PEX14: variants seen among roughly 807,000 people sequenced by gnomAD.
PEX14 encodes peroxisomal membrane protein PEX14.
A neutral mutation model predicts 49.5 loss-of-function variants in PEX14; 15 were observed. The ratio of observed to expected loss-of-function variants is 0.30; its 90% CI spans 0.20 to 0.47. The LOEUF (loss-of-function observed/expected upper bound fraction) is 0.47. Ranked by LOEUF, PEX14 falls within the 20% of genes least tolerant of loss-of-function variation. PEX14 has a pLI of 1.00. For synonymous variants in PEX14, 210 were observed against 212.7 expected (o/e 0.99, Z 0.11); for missense variants, 398 against 494.8 (o/e 0.80, Z 1.86).
Position 10,487,481 on chromosome 1 carries a change from C to CTTTTTTTTTTT in PEX14, c.37-7781_37-7771dup, listed in dbSNP as rs33968565. Among the ~76,000 whole-genome samples the CTTTTTTTTTTT allele has an allele frequency of 4.1e-4, 36 of 86,756 alleles. 1 individual carries two copies. Among genetic ancestry groups the CTTTTTTTTTTT allele is most frequent in the African/African-American group, 8.7e-4 (20 of 22,874 alleles). 56.9% of individuals were successfully genotyped at this position (86,756 alleles called of 152,430 possible). ...ATACTTTATTACTTTTTCTTTCTTT[C>CTTTTTTTTTTT]TTTTTTTTTTTTTTTTTTTTTTGAG... On this transcript the variant is annotated intron_variant, in intron 1 of 8. Coordinates refer to ENST00000356607, the MANE Select transcript of PEX14 (RefSeq NM_004565.3).
At chr1:10,587,522 A>T (rs923982307) in intron 3 of PEX14, among the ~76,000 whole-genome samples, 2 of 152,162 alleles carry the variant, frequency 1.3e-5, no homozygotes, top group Non-Finnish European at 1.5e-5. Flanking sequence ...TAATAGCATC[A>T]TGTAGGCAAG....
intron 2 of PEX14, among the ~76,000 whole-genome samples, chr1:10,521,188 C>T (rs544189850): frequency 1.3e-5 from 2 of 150,938 alleles, no homozygotes; most frequent in South Asian, 2.1e-4. Flanking sequence ...CTTTTCTTTT[C>T]TTTTTCTCTC....
In PEX14 at chr1:10,629,782, G is replaced by A. The variant is rs751713671; in HGVS notation, c.929G>A (p.Arg310Gln). 2 of 1,580,448 alleles carry A rather than the reference G, an allele frequency of 1.3e-6. No individual in the cohort carries two copies. Among genetic ancestry groups the A allele is most frequent in the Non-Finnish European group, 8.6e-7 (1 of 1,159,390 alleles). ...GTGGTGGACGTCAAGGGCCAGGTGC[G>A]GATGGAGGTGCAAGGCGAGGAGGAG... The part of the protein sequence containing the change: ...EGVVDVKGQV[R>Q]MEVQGEEEKR... The change falls in exon 9 of 9, where the codon CGG becomes CAG. Residue 310 changes from arginine (R) to glutamine (Q), a missense_variant. Coordinates refer to ENST00000356607, the MANE Select transcript of PEX14 (RefSeq NM_004565.3). The surrounding 1 kb of genome is among the most constrained non-coding windows in gnomAD (Gnocchi z 8.5).
At chr1:10,523,628 TA>T (rs34613906) in intron 2 of PEX14, among the ~76,000 whole-genome samples, 71,576 of 145,572 alleles carry the variant, frequency 0.49, 17,017 homozygotes, top group East Asian at 0.59. Context: ...TTGTGTAAGG[TA>T]AAAAAAAAAA....
intron 4 of PEX14, among the ~76,000 whole-genome samples, chr1:10,601,803 T>A (rs561998926): frequency 5.4e-4 from 83 of 152,314 alleles, no homozygotes; most frequent in Admixed American, 1.5e-3. Flanking sequence ...AAAGGCTGAG[T>A]CTCCACACTT....
At chr1:10,627,169 C>T in intron 7 of PEX14, 103 bp from the exon 8 acceptor site, 1 of 804,650 alleles carries the variant, frequency 1.2e-6, no homozygotes, top group Non-Finnish European at 2.2e-6. Context: ...AGAACAGACC[C>T]AGAAGGCCCC....
chr1:10,496,740 G>A (rs1641572775), intron 2 of PEX14, among the ~76,000 whole-genome samples: 1 of 151,678 alleles, frequency 6.6e-6, no homozygotes, highest in Non-Finnish European at 1.5e-5. Flanking sequence ...TCTTCCTGCT[G>A]TACTGTGCAT....
intron 3 of PEX14, among the ~76,000 whole-genome samples, chr1:10,580,156 T>C (rs1640270785): frequency 6.6e-6 from 1 of 152,160 alleles, no homozygotes; most frequent in Non-Finnish European, 1.5e-5. Context: ...AGTATACTCA[T>C]ATATTTATAT....
In PEX14 at chr1:10,475,014, G is replaced by A. The variant is rs1173299175; in HGVS notation, c.36+12G>A. The stretch of plus-strand genomic sequence containing the variant: ...AGCAGCCGAGCCAGGTAAGGGGAGT[G>A]GGACTGCCCCGCTGTGCGGCGGAGA... On this transcript the variant is annotated intron_variant, in intron 1 of 8. Coordinates refer to ENST00000356607, the MANE Select transcript of PEX14 (RefSeq NM_004565.3). The A allele has an allele frequency of 6.2e-7, 1 of 1,607,362 alleles. No homozygotes were observed. Among genetic ancestry groups the A allele is most frequent in the Admixed American group, 1.7e-5 (1 of 59,202 alleles).
At chr1:10,553,753 TG>T (rs1159750228) in intron 3 of PEX14, among the ~76,000 whole-genome samples, 1 of 152,162 alleles carries the variant, frequency 6.6e-6, no homozygotes, top group East Asian at 1.9e-4. Flanking sequence ...TTCACTCCTT[TG>T]TCATCTGTTT....
intron 1 of PEX14, among the ~76,000 whole-genome samples, chr1:10,493,451 A>G (rs1031049878): frequency 6.6e-6 from 1 of 152,028 alleles, no homozygotes; most frequent in African/African-American, 2.4e-5. Context: ...TTTTTGAGAC[A>G]GGGTCTGGCT....
intron 2 of PEX14, among the ~76,000 whole-genome samples, chr1:10,504,632 T>G (rs1466071403): frequency 6.6e-6 from 1 of 152,234 alleles, no homozygotes; most frequent in Non-Finnish European, 1.5e-5. Flanking sequence ...CAAGTGGGTC[T>G]TTAGGACCAG....
At chr1:10,528,255 A>G (rs1483224925) in intron 2 of PEX14, 13 of 938,564 alleles carry the variant, frequency 1.4e-5, no homozygotes, top group Non-Finnish European at 1.5e-5. Flanking sequence ...CCGCAGTTCA[A>G]TAGTGCATGA....
At chr1:10,582,869 G>C (rs1180902942) in intron 3 of PEX14, among the ~76,000 whole-genome samples, 2 of 152,008 alleles carry the variant, frequency 1.3e-5, no homozygotes, top group African/African-American at 4.8e-5. Flanking sequence ...GAGTAGCTGG[G>C]ATTACAGGCG....
intron 3 of PEX14, among the ~76,000 whole-genome samples, chr1:10,572,172 C>G (rs1227688447): frequency 6.6e-6 from 1 of 151,958 alleles, no homozygotes; most frequent in African/African-American, 2.4e-5. Flanking sequence ...GTTTACTGAC[C>G]TATCTCCCTG....
At chr1:10,540,101 A>G (rs1418771351) in intron 3 of PEX14, among the ~76,000 whole-genome samples, 2 of 152,124 alleles carry the variant, frequency 1.3e-5, no homozygotes, top group African/African-American at 4.8e-5. Flanking sequence ...ACACCACCAT[A>G]CTTTCTCATT....
chr1:10,565,267 C>T (rs1639770648), intron 3 of PEX14, among the ~76,000 whole-genome samples: 1 of 152,162 alleles, frequency 6.6e-6, no homozygotes, highest in Non-Finnish European at 1.5e-5. Flanking sequence ...CTGAAAGATA[C>T]TATTTTCCTC....
Position 10,474,961 on chromosome 1 carries a change from A to G in PEX14, c.-6A>G, listed in dbSNP as rs1193569631. On this transcript the variant is annotated 5_prime_UTR_variant, in exon 1 of 9. Coordinates refer to ENST00000356607, the MANE Select transcript of PEX14 (RefSeq NM_004565.3). ...AGCGGCGGTTGATTAGTCAGGCCTC[A>G]GAAAGATGGCGTCCTCGGAGCAGGC... is the stretch of plus-strand genomic sequence containing the variant. The G allele has an allele frequency of 9.3e-6, 15 of 1,607,758 alleles. No individual in the cohort carries two copies. The highest frequency in any genetic ancestry group is 1.2e-5 in the Non-Finnish European group (14 of 1,177,352).
intron 3 of PEX14, among the ~76,000 whole-genome samples, chr1:10,566,698 G>A (rs1639815198): frequency 6.6e-6 from 1 of 151,936 alleles, no homozygotes; most frequent in Non-Finnish European, 1.5e-5. Context: ...TTGTTTTTTA[G>A]TAGAGACGGG....
Sources: gnomAD v4.1 joint callset for allele counts (sites outside exome capture counted in the v4.1 genomes callset) on GRCh38, gnomAD v4.1.1 for gene constraint, Gnocchi (gnomAD v3.1) non-coding constraint, MANE v1.5 for transcripts, NCBI Gene and HGNC (gene_info 2026-07-23, HGNC 2026-07-21) for gene names.